ADK: variants seen among roughly 807,000 people sequenced by gnomAD.
ADK encodes adenosine kinase.
Under a neutral mutation model 44.7 loss-of-function variants are expected in ADK, and 24 were observed. That is an observed-to-expected ratio of 0.54 (90% CI 0.39 to 0.76). ADK has a LOEUF of 0.76. ADK is among the 30% of genes least tolerant of loss of function. ADK has a pLI of 0.00. For missense variants in ADK, 321 were observed against 425.1 expected, an observed-to-expected ratio of 0.76 and a Z score of 2.15; for synonymous variants, 128 against 142.6, an observed-to-expected ratio of 0.90 and a Z score of 0.73.
intron 3 of ADK, among the ~76,000 whole-genome samples, chr10:74,312,434 T>C (rs1221435463): frequency 6.6e-6 from 1 of 151,926 alleles, no homozygotes; most frequent in East Asian, 1.9e-4. Context: ...ACTTTTTTTT[T>C]TTTTTTAGAA....
chr10:74,349,706 AG>A (rs1362765755), intron 4 of ADK, among the ~76,000 whole-genome samples: 2 of 152,128 alleles, frequency 1.3e-5, no homozygotes, highest in African/African-American at 4.8e-5. Context: ...CTCAAAATAA[AG>A]GGATGGAGGA....
chr10:74,192,874 C>G (rs1242844110), intron 1 of ADK, among the ~76,000 whole-genome samples: 2 of 152,174 alleles, frequency 1.3e-5, no homozygotes, highest in Admixed American at 1.3e-4. Flanking sequence ...ACAGATTTCT[C>G]TGTGTACTTA....
At chr10:74,638,827 C>T (rs1853718875) in intron 9 of ADK, among the ~76,000 whole-genome samples, 1 of 151,966 alleles carries the variant, frequency 6.6e-6, no homozygotes, top group Non-Finnish European at 1.5e-5. Flanking sequence ...TTTTTTGAGA[C>T]AGGGTCTCTC....
chr10:74,311,832 C>T (rs1840442133), intron 3 of ADK, among the ~76,000 whole-genome samples: 1 of 152,068 alleles, frequency 6.6e-6, no homozygotes, highest in South Asian at 2.1e-4. Flanking sequence ...TATCACTTTT[C>T]CCAGCATAGA....
intron 7 of ADK, among the ~76,000 whole-genome samples, chr10:74,526,563 T>C (rs1174419392): frequency 6.6e-6 from 1 of 152,184 alleles, no homozygotes; most frequent in Non-Finnish European, 1.5e-5. Flanking sequence ...CAATTTTATA[T>C]CTAATAACTG....
chr10:74,254,602 G>T (rs1392114259), intron 3 of ADK, among the ~76,000 whole-genome samples: 3 of 150,650 alleles, frequency 2.0e-5, no homozygotes, highest in African/African-American at 7.3e-5. Flanking sequence ...TCAAAAAGTT[G>T]ACAGTTAAAA....
chr10:74,694,146 C>CTTTTTTTTTTTTTTTTTTTT (rs1266786094), intron 10 of ADK, among the ~76,000 whole-genome samples: 1 of 36,308 alleles, frequency 2.8e-5, no homozygotes. Context: ...TTTTCAAACA[C>CTTTTTTTTTTTTTTTTTTTT]ATTTTTTTTT....
chr10:74,480,704 C>T (rs1385906541), intron 6 of ADK, among the ~76,000 whole-genome samples: 1 of 151,978 alleles, frequency 6.6e-6, no homozygotes, highest in Admixed American at 6.6e-5. Flanking sequence ...GTGTCTTAGA[C>T]CTTTCTTGTT....
At chr10:74,289,469 C>T (rs944817727) in intron 3 of ADK, among the ~76,000 whole-genome samples, 3 of 152,062 alleles carry the variant, frequency 2.0e-5, no homozygotes, top group Non-Finnish European at 4.4e-5. Flanking sequence ...CAAAGATAGC[C>T]TGGGACCATG....
chr10:74,519,043 T>C (rs1383518231), intron 6 of ADK, among the ~76,000 whole-genome samples: 1 of 151,888 alleles, frequency 6.6e-6, no homozygotes, highest in Non-Finnish European at 1.5e-5. Flanking sequence ...ATATGAAAAA[T>C]GTAAAAAGAA....
chr10:74,560,459 A>C (rs1850417427), intron 7 of ADK, among the ~76,000 whole-genome samples: 1 of 152,234 alleles, frequency 6.6e-6, no homozygotes, highest in Non-Finnish European at 1.5e-5. Context: ...ACAATCTAAG[A>C]AGAATCTTAT....
At chr10:74,271,028 A>G (rs1846410943) in intron 3 of ADK, among the ~76,000 whole-genome samples, 1 of 152,236 alleles carries the variant, frequency 6.6e-6, no homozygotes, top group South Asian at 2.1e-4. Flanking sequence ...AATAGAATGC[A>G]TATAGCGGTA....
At chr10:74,343,969 T>C (rs1370711651) in intron 4 of ADK, among the ~76,000 whole-genome samples, 3 of 152,216 alleles carry the variant, frequency 2.0e-5, no homozygotes, top group Non-Finnish European at 2.9e-5. Flanking sequence ...ATTCTATTGA[T>C]ATGATGCATT....
chr10:74,462,071 C>T (rs1199324392), intron 6 of ADK, among the ~76,000 whole-genome samples: 3 of 152,052 alleles, frequency 2.0e-5, no homozygotes, highest in Admixed American at 2.0e-4. Context: ...TGTTTTAAAT[C>T]TTATACAAAT....
chr10:74,381,068 G>C (rs1334560220), intron 4 of ADK, among the ~76,000 whole-genome samples: 1 of 152,098 alleles, frequency 6.6e-6, no homozygotes, highest in African/African-American at 2.4e-5. Flanking sequence ...CAGTGTATGG[G>C]ACTGATAAAA....
At chr10:74,361,454 G>GTATTT (rs1842333968) in intron 4 of ADK, among the ~76,000 whole-genome samples, 1 of 152,098 alleles carries the variant, frequency 6.6e-6, no homozygotes, top group South Asian at 2.1e-4. Context: ...GTTATAGCAA[G>GTATTT]TATTTAAAAC....
rs59635944 is a variant in ADK at position 74,293,165 on chromosome 10, CAAA to C, written c.195-21476_195-21474del. On this transcript the variant is annotated intron_variant, in intron 3 of 10. Transcript: ENST00000539909. The stretch of plus-strand genomic sequence containing the variant: ...CCCGTGACTGATTGAAACCCTGTCT[CAAA>C]AAAAAAAAAAAAAAAAAAAAAAAAA... Among the ~76,000 whole-genome samples the C allele has an allele frequency of 1.3e-3, 105 of 79,098 alleles. 1 individual carries two copies. Among genetic ancestry groups the C allele is most frequent in the African/African-American group, 5.0e-3 (90 of 17,972 alleles). 51.9% of individuals were successfully genotyped at this position (79,098 alleles called of 152,430 possible).
chr10:74,544,756 G>T (rs1403655917), intron 7 of ADK, among the ~76,000 whole-genome samples: 1 of 151,958 alleles, frequency 6.6e-6, no homozygotes, highest in African/African-American at 2.4e-5. Flanking sequence ...ATGCTACTCG[G>T]GAGGCTGAGG....
intron 4 of ADK, among the ~76,000 whole-genome samples, chr10:74,333,011 AGT>A (rs1470437143): frequency 1.3e-5 from 2 of 152,188 alleles, no homozygotes; most frequent in African/African-American, 2.4e-5. Context: ...AATATTTTAC[AGT>A]CTTTCTTAAG....
Sources: gnomAD v4.1 joint callset for allele counts (sites outside exome capture counted in the v4.1 genomes callset) on GRCh38, gnomAD v4.1.1 for gene constraint, MANE v1.5 for transcripts, NCBI Gene and HGNC (gene_info 2026-07-23, HGNC 2026-07-21) for gene names.